Variants in NRP2 observed in about 807,000 individuals in gnomAD.
NRP2 encodes the protein neuropilin 2, also known as neuropilin-2.
In NRP2, 52 loss-of-function variants were observed where a neutral mutation model predicts 110.4. That is an observed-to-expected ratio of 0.47 (90% CI 0.38 to 0.59). NRP2 has a LOEUF of 0.59. Among genes scored for constraint, NRP2 ranks in the 20% least tolerant of loss-of-function variants. NRP2 has a pLI of 0.00. For synonymous variants in NRP2, 508 were observed against 468.9 expected (o/e 1.08, Z -1.08); for missense variants, 1,049 against 1,203.0 (o/e 0.87, Z 1.89).
chr2:205,717,306 A>T (rs1477555271), intron 3 of NRP2, among the ~76,000 whole-genome samples: 2 of 152,006 alleles, frequency 1.3e-5, no homozygotes, highest in African/African-American at 4.8e-5. Context: ...CCCAAGTTTT[A>T]CAACTCGTGG....
At chr2:205,701,003 G>A in intron 2 of NRP2, 2 of 239,410 alleles carry the variant, frequency 8.4e-6, no homozygotes, top group South Asian at 9.0e-5. Context: ...GAGGATGCTA[G>A]GATGTTGCTG....
intron 1 of NRP2, among the ~76,000 whole-genome samples, chr2:205,685,292 C>T (rs1282099482): frequency 6.6e-6 from 1 of 152,184 alleles, no homozygotes; most frequent in East Asian, 1.9e-4. Flanking sequence ...AAGCTGGGAC[C>T]TGCCAGGGAC....
chr2:205,711,816 C>T (rs533459615), intron 2 of NRP2, among the ~76,000 whole-genome samples: 1 of 152,304 alleles, frequency 6.6e-6, no homozygotes, highest in East Asian at 1.9e-4. Flanking sequence ...AAGGGCCAGA[C>T]ATTTCGGTGC....
At chr2:205,713,257 AAATTGGCAAC>A (rs2056833273) in intron 2 of NRP2, among the ~76,000 whole-genome samples, 2 of 152,210 alleles carry the variant, frequency 1.3e-5, no homozygotes, top group African/African-American at 4.8e-5. Context: ...CTTCCTAGAG[AAATTGGCAAC>A]ACAAAGACTG....
Position 205,766,772 on chromosome 2 carries a change from G to GT in NRP2, c.2405-4dup, listed in dbSNP as rs533692566. ...TTTAACTAAGTCCAATTTTTTGTTT[G>GT]TTTTTTTCAGAACCCATCTCGGCTT... On this transcript the variant is annotated splice_polypyrimidine_tract_variant and intron_variant, in intron 14 of 16. Transcript: ENST00000357785. 12,434 of 1,612,106 alleles carry GT rather than the reference G, an allele frequency of 7.7e-3. 66 individuals carry two copies. Among genetic ancestry groups the GT allele is most frequent in the Non-Finnish European group, 8.5e-3 (9,974 of 1,179,336 alleles).
intron 1 of NRP2, among the ~76,000 whole-genome samples, chr2:205,691,311 G>A (rs915558581): frequency 6.6e-5 from 10 of 152,288 alleles, no homozygotes; most frequent in Admixed American, 6.5e-4. Context: ...TATGGGAGAG[G>A]AGAAAGGGCA....
intron 3 of NRP2, among the ~76,000 whole-genome samples, chr2:205,721,523 A>G (rs1320390783): frequency 6.6e-6 from 1 of 152,186 alleles, no homozygotes; most frequent in Admixed American, 6.5e-5. Flanking sequence ...TGGTTAAAGC[A>G]CAAGGACCCT....
intron 7 of NRP2, among the ~76,000 whole-genome samples, chr2:205,735,546 A>G (rs1246529305): frequency 6.7e-6 from 1 of 150,108 alleles, no homozygotes; most frequent in Non-Finnish European, 1.5e-5. Flanking sequence ...TATATATTAC[A>G]TTGAATTATA....
chr2:205,720,262 CTTTTT>C (rs202203741), intron 3 of NRP2, among the ~76,000 whole-genome samples: 4 of 129,182 alleles, frequency 3.1e-5, no homozygotes, highest in Middle Eastern at 4.0e-3. Context: ...TTTTTTCTTT[CTTTTT>C]TTTTTTTTTT....
At chr2:205,755,004 C>A (rs1331401591) in intron 12 of NRP2, among the ~76,000 whole-genome samples, 1 of 152,138 alleles carries the variant, frequency 6.6e-6, no homozygotes, top group Non-Finnish European at 1.5e-5. Context: ...GGCAGCCCTA[C>A]CCAGGCCACA....
chr2:205,735,806 A>G (rs2057332002), intron 7 of NRP2, among the ~76,000 whole-genome samples: 1 of 152,188 alleles, frequency 6.6e-6, no homozygotes, highest in Non-Finnish European at 1.5e-5. Context: ...GAATTCAGAG[A>G]GGCACCCAAT....
At chr2:205,769,537 C>CACACAG (rs766732174) in intron 15 of NRP2, among the ~76,000 whole-genome samples, 99 of 151,080 alleles carry the variant, frequency 6.6e-4, no homozygotes, top group Non-Finnish European at 1.1e-3. Flanking sequence ...CACACACACA[C>CACACAG]ACAGACACAT....
chr2:205,768,235 G>A (rs1244261711), intron 15 of NRP2: 1 of 152,196 alleles, frequency 6.6e-6, no homozygotes, highest in Non-Finnish European at 1.5e-5. Flanking sequence ...TGGGGGTGAG[G>A]TTTATGTTAA....
In NRP2 at chr2:205,794,960, C is replaced by T. The variant is rs761782610; in HGVS notation, c.2683C>T (p.Arg895Ter). The change falls in exon 17 of 17, where the codon CGA becomes TGA. Residue 895 changes from arginine (R) to a stop codon, truncating the protein, a stop_gained. Transcript: ENST00000357785. LOFTEE classifies it high-confidence loss of function. The stretch of plus-strand genomic sequence containing the variant: ...CTGTTCCTACTCGGGCCTGAGCTCC[C>T]GAAGCTGCACCACACTGGAGAACTA... ...CTCSYSGLSS[R>*]SCTTLENYNF... 5.0e-6 allele frequency: 8 copies of T among 1,614,078 alleles called. No individual in the cohort carries two copies. The highest frequency in any genetic ancestry group is 3.3e-5 in the South Asian group (3 of 91,070).
chr2:205,766,942 C>A (rs1047736328), intron 15 of NRP2, 139 bp downstream of exon 15: 2 of 738,494 alleles, frequency 2.7e-6, no homozygotes, highest in Non-Finnish European at 4.7e-6. Context: ...ACCTTCCTGC[C>A]GCTAGATGGC....
In NRP2 at chr2:205,766,820, TA is replaced by T. The variant is rs760959467; in HGVS notation, c.2425+26del. 182 of 1,607,112 alleles carry T rather than the reference TA, an allele frequency of 1.1e-4. No individual in the cohort carries two copies. Among genetic ancestry groups the T allele is most frequent in the Admixed American group, 6.0e-4 (36 of 59,832 alleles). ...CTTTTGCAGGTGAGAATTTTAAAGGTAAAAAAAAATTTTTTTTTTGCATGCT... is the reference window on the plus strand; with the variant it reads ...CTTTTGCAGGTGAGAATTTTAAAGGTAAAAAAAATTTTTTTTTTGCATGCT... On this transcript the variant is annotated intron_variant, in intron 15 of 16. Coordinates refer to ENST00000357785, the MANE Select transcript of NRP2 (RefSeq NM_003872.3).
At position 205,795,753 on chromosome 2, in the gene NRP2, T is replaced by C. The variant is rs1031510778; in HGVS notation, c.*695T>C. 2.0e-5 allele frequency: 3 copies of C among 152,612 alleles called. No homozygotes were observed. Among genetic ancestry groups the C allele is most frequent in the African/African-American group, 7.2e-5 (3 of 41,450 alleles). The allele number at this position is 152,612 out of a possible 1,614,324, so 9.5% of individuals were successfully genotyped here. On this transcript the variant is annotated 3_prime_UTR_variant, in exon 17 of 17. Transcript: ENST00000357785. The stretch of plus-strand genomic sequence containing the variant: ...TCAGCATGAACAGCTCTTTCTTGTA[T>C]GCGATTTAAAACAAACTGGAAAGGA...
intron 16 of NRP2, among the ~76,000 whole-genome samples, chr2:205,792,507 C>T (rs1184333564): frequency 6.6e-6 from 1 of 152,232 alleles, no homozygotes; most frequent in Non-Finnish European, 1.5e-5. Context: ...TAATCTGAAA[C>T]AGATCCCCTC....
At chr2:205,694,747 T>C (rs1249997489) in intron 1 of NRP2, among the ~76,000 whole-genome samples, 3 of 152,250 alleles carry the variant, frequency 2.0e-5, no homozygotes, top group Non-Finnish European at 4.4e-5. Flanking sequence ...CTAATTTCTA[T>C]TGGGACATGT....
Sources: gnomAD v4.1 joint callset for allele counts (sites outside exome capture counted in the v4.1 genomes callset) on GRCh38, gnomAD v4.1.1 for gene constraint, MANE v1.5 for transcripts, NCBI Gene and HGNC (gene_info 2026-07-23, HGNC 2026-07-21) for gene names.